The following CHRM3 variants were observed in gnomAD, a reference collection of about 807,000 sequenced individuals.
CHRM3 encodes muscarinic acetylcholine receptor M3.
Under a neutral mutation model 41.8 loss-of-function variants are expected in CHRM3, and 11 were observed. That is an observed-to-expected ratio of 0.26 (90% CI 0.17 to 0.44). The LOEUF (loss-of-function observed/expected upper bound fraction) is 0.44, where lower values mean the gene tolerates loss of function less well. Among genes scored for constraint, CHRM3 ranks in the 20% least tolerant of loss-of-function variants. The pLI, the probability that CHRM3 is intolerant of heterozygous loss-of-function variation, is 1.00. For synonymous variants in CHRM3, 297 were observed against 301.4 expected, an observed-to-expected ratio of 0.99 and a Z score of 0.15; for missense variants, 571 against 745.4, an observed-to-expected ratio of 0.77 and a Z score of 2.72.
chr1:239,694,285 G>A (rs1239239890), intron 5 of CHRM3, among the ~76,000 whole-genome samples: 1 of 152,134 alleles, frequency 6.6e-6, no homozygotes, highest in South Asian at 2.1e-4. Flanking sequence ...GTATCTTGAG[G>A]CATGAAGTCA....
At chr1:239,402,950 AT>A (rs1248943828) in intron 1 of CHRM3, among the ~76,000 whole-genome samples, 2 of 151,496 alleles carry the variant, frequency 1.3e-5, no homozygotes, top group South Asian at 2.1e-4. Flanking sequence ...AACTTTGTGG[AT>A]TTTTTTTTCT....
At chr1:239,444,014 G>T (rs986577369) in intron 1 of CHRM3, among the ~76,000 whole-genome samples, 1 of 152,122 alleles carries the variant, frequency 6.6e-6, no homozygotes, top group Non-Finnish European at 1.5e-5. Context: ...AGGCTGTGAG[G>T]TGTCTGCTCT....
At chr1:239,402,298 G>A (rs562838039) in intron 1 of CHRM3, among the ~76,000 whole-genome samples, 5 of 151,966 alleles carry the variant, frequency 3.3e-5, no homozygotes, top group Non-Finnish European at 7.4e-5. Context: ...CCCTCTTTAC[G>A]TGCAGCTTAT....
intron 6 of CHRM3, among the ~76,000 whole-genome samples, chr1:239,856,440 C>G (rs970559180): frequency 5.3e-5 from 8 of 152,128 alleles, no homozygotes; most frequent in African/African-American, 1.9e-4. Context: ...CATGCTCTCT[C>G]TCTCTCCTGC....
chr1:239,582,969 A>C (rs1663039874), intron 3 of CHRM3, among the ~76,000 whole-genome samples: 1 of 152,160 alleles, frequency 6.6e-6, no homozygotes, highest in Non-Finnish European at 1.5e-5. Context: ...GTTGCTCTCC[A>C]GCCAGTCTGT....
At chr1:239,412,904 C>T (rs1661211012) in intron 1 of CHRM3, among the ~76,000 whole-genome samples, 1 of 151,654 alleles carries the variant, frequency 6.6e-6, no homozygotes, top group African/African-American at 2.4e-5. Flanking sequence ...CATGGTGAAA[C>T]CCGTCTCTAC....
chr1:239,654,766 C>G (rs1024609303), intron 4 of CHRM3, among the ~76,000 whole-genome samples: 1 of 152,116 alleles, frequency 6.6e-6, no homozygotes, highest in Non-Finnish European at 1.5e-5. Context: ...TATCTGGCGT[C>G]CATGAATGAG....
At chr1:239,532,618 C>A (rs1657744578) in intron 2 of CHRM3, among the ~76,000 whole-genome samples, 1 of 109,510 alleles carries the variant, frequency 9.1e-6, no homozygotes, top group South Asian at 3.0e-4. Flanking sequence ...GCAAGACTGC[C>A]TCTCAAAAAA....
chr1:239,877,261 AGGG>A (rs1677182505), intron 6 of CHRM3, among the ~76,000 whole-genome samples: 1 of 152,166 alleles, frequency 6.6e-6, no homozygotes, highest in African/African-American at 2.4e-5. Context: ...ATAGGAAGTT[AGGG>A]GCTTCAGGGG....
At chr1:239,760,797 A>T (rs1337307152) in intron 5 of CHRM3, among the ~76,000 whole-genome samples, 6 of 151,966 alleles carry the variant, frequency 3.9e-5, no homozygotes, top group Non-Finnish European at 7.4e-5. Flanking sequence ...TGAAGATTGT[A>T]TTTTTATCCC....
intron 6 of CHRM3, among the ~76,000 whole-genome samples, chr1:239,843,450 T>A (rs1452907772): frequency 3.4e-5 from 1 of 29,704 alleles, no homozygotes; most frequent in East Asian, 6.9e-4. Context: ...CGCTTTCCTT[T>A]TTTTTTTTTT....
In CHRM3 at chr1:239,658,958, G is replaced by A. The variant is rs564796290; in HGVS notation, c.-249-19228G>A. 2.0e-5 allele frequency among the ~76,000 whole-genome samples: 3 copies of A among 152,094 alleles called. No homozygotes were observed. In the South Asian group the frequency reaches 6.2e-4, roughly 32 times the overall value. Reference sequence around the variant, plus strand: ...TCACCGTGTTAGCCAGGCTGGTCTCGAACTCTTGACCTCAAGTGATCCATC... The same window carrying A: ...TCACCGTGTTAGCCAGGCTGGTCTCAAACTCTTGACCTCAAGTGATCCATC... On this transcript the variant is annotated intron_variant, in intron 4 of 6. Transcript: ENST00000676153.
chr1:239,651,515 G>A (rs1236655494), intron 4 of CHRM3, among the ~76,000 whole-genome samples: 1 of 152,202 alleles, frequency 6.6e-6, no homozygotes, highest in Non-Finnish European at 1.5e-5. Flanking sequence ...TGGAATAGTA[G>A]ACTTGGCTAA....
intron 5 of CHRM3, among the ~76,000 whole-genome samples, chr1:239,820,669 G>C (rs1265065728): frequency 6.6e-6 from 1 of 152,000 alleles, no homozygotes; most frequent in Non-Finnish European, 1.5e-5. Flanking sequence ...GTACTGGTTT[G>C]TGCGCCCCAG....
chr1:239,850,392 C>T (rs1302425959), intron 6 of CHRM3, among the ~76,000 whole-genome samples: 1 of 152,010 alleles, frequency 6.6e-6, no homozygotes, highest in Non-Finnish European at 1.5e-5. Flanking sequence ...ACAGAGGTGT[C>T]TGTGGAGGAG....
chr1:239,759,070 G>C (rs1042934810), intron 5 of CHRM3, among the ~76,000 whole-genome samples: 2 of 151,072 alleles, frequency 1.3e-5, no homozygotes, highest in Non-Finnish European at 2.9e-5. Context: ...AAGCATTCAG[G>C]TTTATTAAAT....
At chr1:239,767,558 G>T (rs1216425240) in intron 5 of CHRM3, among the ~76,000 whole-genome samples, 2 of 152,004 alleles carry the variant, frequency 1.3e-5, no homozygotes, top group Non-Finnish European at 2.9e-5. Context: ...AATCAATATG[G>T]TTAACAAATC....
intron 5 of CHRM3, among the ~76,000 whole-genome samples, chr1:239,779,865 T>C (rs148941101): frequency 3.3e-5 from 5 of 152,378 alleles, no homozygotes; most frequent in African/African-American, 1.2e-4. Context: ...TTCCAAAGTG[T>C]CATATACTTG....
At chr1:239,521,974 C>T (rs1014650913) in intron 2 of CHRM3, among the ~76,000 whole-genome samples, 9 of 152,166 alleles carry the variant, frequency 5.9e-5, no homozygotes, top group Admixed American at 5.9e-4. Context: ...ATTCAAGGGG[C>T]TCCTGGAACC....
Sources: allele counts gnomAD v4.1 joint callset (sites outside exome capture counted in the v4.1 genomes callset), GRCh38; gene constraint gnomAD v4.1.1; transcripts MANE v1.5; gene names NCBI Gene and HGNC (gene_info 2026-07-23, HGNC 2026-07-21).